SNTG2: variants seen among roughly 807,000 people sequenced by gnomAD.
The protein encoded by SNTG2 is gamma-2-syntrophin.
In SNTG2, 74 loss-of-function variants were observed where a neutral mutation model predicts 70.9. The ratio of observed to expected loss-of-function variants is 1.04; its 90% CI spans 0.86 to 1.27. The LOEUF (loss-of-function observed/expected upper bound fraction) is 1.27, where lower values mean the gene tolerates loss of function less well. Ranked by LOEUF, SNTG2 falls within the 50% of genes most tolerant of loss-of-function variation. SNTG2 has a pLI of 0.00. For missense variants in SNTG2, 717 were observed against 690.7 expected (o/e 1.04, Z -0.43); for synonymous variants, 278 against 273.8 (o/e 1.02, Z -0.15).
At chr2:1,011,026 A>C (rs1659715606) in intron 1 of SNTG2, among the ~76,000 whole-genome samples, 1 of 152,272 alleles carries the variant, frequency 6.6e-6, no homozygotes, top group African/African-American at 2.4e-5. Flanking sequence ...TGGTGTGTTC[A>C]TGGAAATGTT....
At chr2:1,093,493 A>C (rs1665170583) in intron 2 of SNTG2, among the ~76,000 whole-genome samples, 1 of 152,200 alleles carries the variant, frequency 6.6e-6, no homozygotes, top group South Asian at 2.1e-4. Context: ...TCATCCAGTA[A>C]GTTTTATAAA....
chr2:966,793 A>C (rs1267632694), intron 1 of SNTG2, among the ~76,000 whole-genome samples: 2 of 152,026 alleles, frequency 1.3e-5, no homozygotes, highest in African/African-American at 4.8e-5. Context: ...AAAAATACAA[A>C]AAAATTAGCT....
intron 1 of SNTG2, among the ~76,000 whole-genome samples, chr2:1,070,719 G>T (rs1284621033): frequency 2.0e-5 from 3 of 152,162 alleles, no homozygotes; most frequent in Non-Finnish European, 4.4e-5. Flanking sequence ...CATGTTTAAG[G>T]TCCGGAAAGG....
intron 15 of SNTG2, among the ~76,000 whole-genome samples, chr2:1,309,943 A>C (rs530544633): frequency 1.3e-5 from 2 of 152,034 alleles, no homozygotes; most frequent in African/African-American, 2.4e-5. Flanking sequence ...ACTTGCTCTT[A>C]ATATTATTTG....
chr2:1,114,762 T>C (rs1190307021), intron 4 of SNTG2, among the ~76,000 whole-genome samples: 2 of 149,972 alleles, frequency 1.3e-5, no homozygotes, highest in Non-Finnish European at 3.0e-5. Flanking sequence ...TTAACCCTTA[T>C]ACTCCTTTGA....
At position 1,235,567 on chromosome 2, in the gene SNTG2, ATTCATGAGAGGGGGGAC is replaced by A. The variant is rs1412114017; in HGVS notation, c.720-2320_720-2304del. 1.2e-3 allele frequency among the ~76,000 whole-genome samples: 100 copies of A among 82,996 alleles called. 3 individuals carry two copies. The highest frequency in any genetic ancestry group is 1.9e-3 in the Admixed American group (17 of 9,036). 54.4% of individuals were successfully genotyped at this position (82,996 alleles called of 152,430 possible). Reference sequence around the variant, plus strand: ...CTGCAGGCCCCACCAGGCACCCCCGATTCATGAGAGGGGGGACCCCTGCCCCACGCTGCCCTGAGGTC... The same window carrying A: ...CTGCAGGCCCCACCAGGCACCCCCGACCCTGCCCCACGCTGCCCTGAGGTC... On this transcript the variant is annotated intron_variant, in intron 9 of 16. Coordinates refer to ENST00000308624, the MANE Select transcript of SNTG2 (RefSeq NM_018968.4).
At chr2:1,146,692 T>C (rs546737630) in intron 6 of SNTG2, among the ~76,000 whole-genome samples, 5 of 152,314 alleles carry the variant, frequency 3.3e-5, no homozygotes, top group Admixed American at 6.5e-5. Flanking sequence ...GGTGCAAGAA[T>C]AGACAAATAG....
chr2:1,004,847 A>G (rs1362239933), intron 1 of SNTG2, among the ~76,000 whole-genome samples: 2 of 152,232 alleles, frequency 1.3e-5, no homozygotes, highest in African/African-American at 4.8e-5. Flanking sequence ...ATGTACCCAC[A>G]CAAAAAACAT....
intron 16 of SNTG2, among the ~76,000 whole-genome samples, chr2:1,342,355 G>T (rs550125251): frequency 1.1e-5 from 1 of 90,086 alleles, no homozygotes; most frequent in Non-Finnish European, 2.2e-5. Context: ...GAGTGGACTG[G>T]CACTTTTCCC....
chr2:1,219,056 T>C (rs946950133), intron 9 of SNTG2, among the ~76,000 whole-genome samples: 1 of 152,188 alleles, frequency 6.6e-6, no homozygotes, highest in African/African-American at 2.4e-5. Context: ...GGGAGGTGAC[T>C]GGATCACGGG....
intron 14 of SNTG2, among the ~76,000 whole-genome samples, chr2:1,287,870 C>A (rs1679829356): frequency 6.6e-6 from 1 of 152,264 alleles, no homozygotes; most frequent in East Asian, 1.9e-4. Flanking sequence ...GAAGGAGAAG[C>A]CTTCCCAGCT....
At chr2:1,222,090 TCTC>T (rs1675171389) in intron 9 of SNTG2, among the ~76,000 whole-genome samples, 1 of 44,844 alleles carries the variant, frequency 2.2e-5, no homozygotes, top group Admixed American at 2.6e-4. Flanking sequence ...TCTCTGTCTC[TCTC>T]TGTCTCTCTC....
chr2:1,206,124 C>G (rs183008075), intron 8 of SNTG2, among the ~76,000 whole-genome samples: 4 of 152,194 alleles, frequency 2.6e-5, no homozygotes, highest in African/African-American at 7.2e-5. Flanking sequence ...CTGGTAGGAA[C>G]ATGCCTCATT....
At chr2:1,091,656 C>T (rs2148193159) in intron 2 of SNTG2, among the ~76,000 whole-genome samples, 1 of 152,270 alleles carries the variant, frequency 6.6e-6, no homozygotes, top group Middle Eastern at 3.4e-3. Flanking sequence ...TGAAGAAACT[C>T]ATACTCAGGG....
rs550221399 is a variant in SNTG2 at position 1,252,426 on chromosome 2, A to T, written c.1005+4983A>T. On this transcript the variant is annotated intron_variant, in intron 12 of 16. Coordinates refer to ENST00000308624, the MANE Select transcript of SNTG2 (RefSeq NM_018968.4). ...GTAAATGCCTACCTGAGAGGGTTGT[A>T]GGGAGATTAAGGAAGGATGATTAGT... Among the ~76,000 whole-genome samples, 11 of 152,340 alleles carry T rather than the reference A, an allele frequency of 7.2e-5. No homozygotes were observed. In the South Asian group the frequency reaches 2.3e-3, roughly 32 times the overall value.
In SNTG2 at chr2:999,558, T is replaced by C. The variant is rs529860025; in HGVS notation, c.72+48490T>C. 3.9e-5 allele frequency among the ~76,000 whole-genome samples: 6 copies of C among 152,186 alleles called. No individual in the cohort carries two copies. In the South Asian group the frequency reaches 1.2e-3, roughly 32 times the overall value. On this transcript the variant is annotated intron_variant, in intron 1 of 16. Transcript: ENST00000308624. ...TAAAATGACAAGGAAGTTCGTTATA[T>C]AATGATAAAGGTATCAATTCCACAG...
At chr2:1,131,797 G>A (rs889113285) in intron 4 of SNTG2, among the ~76,000 whole-genome samples, 6 of 151,790 alleles carry the variant, frequency 4.0e-5, no homozygotes, top group African/African-American at 9.7e-5. Context: ...GACTACAGGC[G>A]ACGCCACCAC....
intron 4 of SNTG2, among the ~76,000 whole-genome samples, chr2:1,121,233 A>G (rs1359494611): frequency 1.3e-5 from 2 of 152,138 alleles, no homozygotes; most frequent in Non-Finnish European, 2.9e-5. Context: ...ACAACCTACC[A>G]GAACTTCTGG....
At position 971,132 on chromosome 2, in the gene SNTG2, T is replaced by C. The variant is rs150186466; in HGVS notation, c.72+20064T>C. On this transcript the variant is annotated intron_variant, in intron 1 of 16. Transcript: ENST00000308624. ...CTTTTTTTGGTTATGTCTGTTGGTA[T>C]TGGAATGATGCTGGCTTCCTAGAAT... 3.7e-3 allele frequency among the ~76,000 whole-genome samples: 563 copies of C among 152,326 alleles called. 3 individuals are homozygous for C. The highest frequency in any genetic ancestry group is 0.02 in the Middle Eastern group (6 of 294).
Sources: gnomAD v4.1 joint callset for allele counts (sites outside exome capture counted in the v4.1 genomes callset) on GRCh38, gnomAD v4.1.1 for gene constraint, MANE v1.5 for transcripts, NCBI Gene and HGNC (gene_info 2026-07-23, HGNC 2026-07-21) for gene names.